Variants in ARHGEF2 observed in about 807,000 individuals in gnomAD.
ARHGEF2 encodes the protein rho guanine nucleotide exchange factor 2.
In ARHGEF2, 22 loss-of-function variants were observed where a neutral mutation model predicts 121.0. That is an observed-to-expected ratio of 0.18 (90% CI 0.13 to 0.26). The LOEUF is 0.26. ARHGEF2 is among the 10% of genes least tolerant of loss of function. ARHGEF2 has a pLI of 1.00. For synonymous variants in ARHGEF2, 487 were observed against 530.0 expected, an observed-to-expected ratio of 0.92 and a Z score of 1.11; for missense variants, 907 against 1,336.0, an observed-to-expected ratio of 0.68 and a Z score of 5.01.
At chr1:155,979,017 C>T (rs1044226402), upstream of ARHGEF2, 9 of 985,654 alleles carry the variant, frequency 9.1e-6, no homozygotes, top group African/African-American at 1.4e-4. Flanking sequence ...TCAAAGCAGG[C>T]CTGAGCAGAC....
Position 155,965,697 on chromosome 1 carries a change from A to G in ARHGEF2, c.404T>C (p.Leu135Pro), listed in dbSNP as rs1190849587. 2 of 1,608,174 alleles carry G rather than the reference A, an allele frequency of 1.2e-6. No homozygotes were observed. Among genetic ancestry groups the G allele is most frequent in the Admixed American group, 3.5e-5 (2 of 57,930 alleles). Residue 135 changes from leucine (L) to proline (P), a missense_variant, in exon 5 of 22, where the codon CTG becomes CCG. Coordinates refer to ENST00000361247, the MANE Select transcript of ARHGEF2 (RefSeq NM_001162383.2). The surrounding 1 kb of genome is among the most constrained non-coding windows in gnomAD (Gnocchi z 6.0). ...YPSDSFRQSLLGSRRGRSSLS... is the reference protein window; with the variant it reads ...YPSDSFRQSLPGSRRGRSSLS... The stretch of plus-strand genomic sequence containing the variant: ...GGAGGAGCGGCCACGGCGGGAGCCC[A>G]GGAGGGACTGCCGGAAGCTGTCGGA...
In ARHGEF2 at chr1:155,951,919, C is replaced by T. The variant is rs755028430; in HGVS notation, c.2172G>A (p.Arg724=). The T allele has an allele frequency of 1.9e-5, 30 of 1,614,034 alleles. No individual in the cohort carries two copies. The South Asian group carries it at 3.3e-4, about 18-fold the overall frequency. The change falls in exon 17 of 22, where the codon AGG becomes AGA. Residue 724 remains arginine (R), a splice_region_variant and synonymous_variant. Coordinates refer to ENST00000361247, the MANE Select transcript of ARHGEF2 (RefSeq NM_001162383.2). The surrounding 1 kb of genome is among the most constrained non-coding windows in gnomAD (Gnocchi z 5.1). ...LCRADSDSSQ[R]DRNGNQLRSP... ...GTCCCAGAACCTCTTGAGGACCTAC[C>T]CTCTGGCTAGAGTCTGAGTCAGCTC...
chr1:155,951,097 G>A lies in ARHGEF2; in HGVS notation c.2435C>T (p.Ala812Val), dbSNP rs780651388. Residue 812 changes from alanine (A) to valine (V), a missense_variant, in exon 20 of 22, where the codon GCG (alanine) becomes GTG (valine). Physicochemically the swap from Ala to Val is moderately conservative, Grantham distance 64. This residue lies in a region of ARHGEF2 where 432 missense variants were observed against 559.5 expected (regional missense o/e 0.77). Coordinates refer to ENST00000361247, the MANE Select transcript of ARHGEF2 (RefSeq NM_001162383.2). This position sits in a 1 kb window ranked among gnomAD's most constrained non-coding sequence, Gnocchi z 5.1. ...TELALLQRQH[A>V]LLQEELRRCR... ...GCGCCGTAGCTCCTCCTGCAGCAGC[G>A]CATGTTGCCGCTGCAGTAATGCCAG... 6 of 1,601,544 alleles carry A rather than the reference G, an allele frequency of 3.7e-6. No homozygotes were observed. Among genetic ancestry groups the A allele is most frequent in the South Asian group, 3.3e-5 (3 of 89,950 alleles).
chr1:155,976,230 A>G (rs912045322), intron 1 of ARHGEF2, among the ~76,000 whole-genome samples: 1 of 151,996 alleles, frequency 6.6e-6, no homozygotes, highest in Non-Finnish European at 1.5e-5. Flanking sequence ...CCACCACAGT[A>G]TAAAAAGAAA....
intron 21 of ARHGEF2, among the ~76,000 whole-genome samples, chr1:155,948,596 A>G (rs1674765242): frequency 2.6e-5 from 4 of 152,048 alleles, no homozygotes; most frequent in Admixed American, 2.6e-4. Context: ...GTGCCACTAC[A>G]CTCCAGCCTG....
rs1370991838 is a variant in ARHGEF2, at chr1:155,962,854, A to G, written c.975+79T>C. 7 of 1,602,340 alleles carry G rather than the reference A, an allele frequency of 4.4e-6. No individual in the cohort carries two copies. The Admixed American group carries it at 1.2e-4, about 27-fold the overall frequency. Reference sequence around the variant, plus strand: ...TCTCCCTGGCTCCCCTCCAACCCCTAGAATTTGGACCCAAGAAATGCCCAA... The same window carrying G: ...TCTCCCTGGCTCCCCTCCAACCCCTGGAATTTGGACCCAAGAAATGCCCAA... On this transcript the variant is annotated intron_variant, in intron 8 of 21. Transcript: ENST00000361247. The surrounding 1 kb of genome is among the most constrained non-coding windows in gnomAD (Gnocchi z 5.8).
Position 155,962,090 on chromosome 1 carries a change from G to C in ARHGEF2, c.1219+15C>G. The C allele has an allele frequency of 1.9e-6, 3 of 1,613,660 alleles. No homozygotes were observed. The highest frequency in any genetic ancestry group is 2.5e-6 in the Non-Finnish European group (3 of 1,179,686). ...GCCGTCTCCCAGTGGCCCTCTCCTG[G>C]GCCTGCCTACTCACCGTGGGAATGC... On this transcript the variant is annotated intron_variant, in intron 10 of 21. Transcript: ENST00000361247. This position sits in a 1 kb window ranked among gnomAD's most constrained non-coding sequence, Gnocchi z 5.8.
chr1:155,970,953 C>CTATGTCCT, intron 1 of ARHGEF2: 2 of 986,634 alleles, frequency 2.0e-6, no homozygotes, highest in Non-Finnish European at 2.4e-6. Flanking sequence ...GCATCCTCCT[C>CTATGTCCT]CTGTCTCCTG....
At chr1:155,948,445 C>A (rs760354564) in intron 21 of ARHGEF2, among the ~76,000 whole-genome samples, 1 of 152,094 alleles carries the variant, frequency 6.6e-6, no homozygotes, top group Non-Finnish European at 1.5e-5. Flanking sequence ...GCCTGGCCAA[C>A]ATGGTGAAAC....
rs1468317227 is a variant in ARHGEF2 at position 155,957,767 on chromosome 1, G to A, written c.1661C>T (p.Ala554Val). The A allele has an allele frequency of 6.2e-7, 1 of 1,614,188 alleles. No homozygotes were observed. ...APPEMYEVHTASRDDRSTWIR... is the reference protein window; with the variant it reads ...APPEMYEVHTVSRDDRSTWIR... ...CCAGGTGCTCCGGTCATCCCGGGATGCTGTGTGCACCTCGTACATCTCAGG... is the reference window on the plus strand; with the variant it reads ...CCAGGTGCTCCGGTCATCCCGGGATACTGTGTGCACCTCGTACATCTCAGG... The change falls in exon 13 of 22, where the codon GCA (alanine) becomes GTA (valine). Residue 554 changes from alanine (A) to valine (V), a missense_variant. By Grantham distance (64) the Ala-to-Val change is moderately conservative. This residue lies in a region of ARHGEF2 where 475 missense variants were observed against 776.5 expected (regional missense o/e 0.61). Coordinates refer to ENST00000361247, the MANE Select transcript of ARHGEF2 (RefSeq NM_001162383.2).
In ARHGEF2 at chr1:155,950,445, G is replaced by A; in HGVS notation, c.2741C>T (p.Thr914Ile). 1 of 1,614,028 alleles carries A rather than the reference G, an allele frequency of 6.2e-7. No homozygotes were observed. The highest frequency in any genetic ancestry group is 8.5e-7 in the Non-Finnish European group (1 of 1,180,044). ...RGTDRLDLPV[T>I]TRSVHRNFED... The stretch of plus-strand genomic sequence containing the variant: ...AAAGTTTCGATGGACAGAGCGAGTA[G>A]TGACAGGTAGATCCAGGCGGTCAGT... The change falls in exon 21 of 22, where the codon ACT (threonine) becomes ATT (isoleucine). Residue 914 changes from threonine (T) to isoleucine (I), a missense_variant. This residue lies in a region of ARHGEF2 where 432 missense variants were observed against 559.5 expected (regional missense o/e 0.77). Coordinates refer to ENST00000361247, the MANE Select transcript of ARHGEF2 (RefSeq NM_001162383.2). This position sits in a 1 kb window ranked among gnomAD's most constrained non-coding sequence, Gnocchi z 5.2.
chr1:155,957,058 A>C (rs1676846934), intron 13 of ARHGEF2, among the ~76,000 whole-genome samples: 1 of 152,008 alleles, frequency 6.6e-6, no homozygotes. Context: ...AAAGAAAGAA[A>C]ACCTGTAAAA....
intron 11 of ARHGEF2, among the ~76,000 whole-genome samples, chr1:155,958,609 CTTG>C (rs1387632594): frequency 5.1e-5 from 7 of 135,928 alleles, no homozygotes; most frequent in African/African-American, 1.6e-4. Context: ...GAGTTTTCAT[CTTG>C]TTGTTCAGGC....
chr1:155,966,975 C>T, intron 2 of ARHGEF2, 88 bp from the exon 3 acceptor site: 1 of 1,287,042 alleles, frequency 7.8e-7, no homozygotes, highest in African/African-American at 1.5e-5. Context: ...CTCCTCCTGG[C>T]CACACAGTCC....
chr1:155,948,092 C>T (rs1373003565), intron 21 of ARHGEF2, 77 bp from the exon 22 acceptor site: 1 of 1,141,208 alleles, frequency 8.8e-7, no homozygotes, highest in Non-Finnish European at 1.3e-6. Context: ...TAATGCCTCC[C>T]CATCTGCAGG....
chr1:155,952,557 G>T, intron 15 of ARHGEF2, 71 bp downstream of exon 15: 1 of 1,497,610 alleles, frequency 6.7e-7, no homozygotes, highest in Non-Finnish European at 9.1e-7. Flanking sequence ...GTTTGTCCAT[G>T]TCTAGTCACA....
Position 155,958,282 on chromosome 1 carries a change from T to C in ARHGEF2, c.1545+38A>G, listed in dbSNP as rs57519088. On this transcript the variant is annotated intron_variant, in intron 12 of 21. Transcript: ENST00000361247. ...GGAAAGCAAGAAGAGACTAAAACACTTGTCTGTGCTGAGAAAGGTGAAGAA... is the reference window on the plus strand; with the variant it reads ...GGAAAGCAAGAAGAGACTAAAACACCTGTCTGTGCTGAGAAAGGTGAAGAA... The C allele has an allele frequency of 2.2e-4, 347 of 1,568,662 alleles. 1 individual carries two copies. In the African/African-American group the frequency reaches 4.4e-3, roughly 20 times the overall value.
chr1:155,966,291 G>C (rs1679357254), intron 4 of ARHGEF2, 125 bp downstream of exon 4: 1 of 927,176 alleles, frequency 1.1e-6, no homozygotes, highest in South Asian at 1.5e-5. Context: ...CCCACTATCT[G>C]CTTCCAATCA....
rs745401477 is a variant in ARHGEF2, at chr1:155,952,761, C to T, written c.1851G>A (p.Glu617=). ...CCTCTTCGGCCTGGAAATGGGTCAT[C>T]TCAGCAAACAGCCCGACCTTCTCTC... ...LLREKVGLFA[E]MTHFQAEEDG... is the part of the protein sequence containing the mutation. The change falls in exon 15 of 22, where the codon GAG becomes GAA. Residue 617 remains glutamate, a synonymous_variant. Transcript: ENST00000361247. The T allele has an allele frequency of 8.7e-6, 14 of 1,614,188 alleles. No individual in the cohort carries two copies. Among genetic ancestry groups the T allele is most frequent in the Admixed American group, 1.7e-5 (1 of 60,016 alleles).
Sources: allele counts gnomAD v4.1 joint callset (sites outside exome capture counted in the v4.1 genomes callset), GRCh38; gene constraint gnomAD v4.1.1; regional missense constraint gnomAD v4.1.1; non-coding constraint Gnocchi (gnomAD v3.1); transcripts MANE v1.5; gene names NCBI Gene and HGNC (gene_info 2026-07-23, HGNC 2026-07-21).